The following DIS3L2 variants were observed in gnomAD, a reference collection of about 807,000 sequenced individuals.
The protein encoded by DIS3L2 is DIS3-like exonuclease 2.
A neutral mutation model predicts 97.5 loss-of-function variants in DIS3L2; 34 were observed. That is an observed-to-expected ratio of 0.35 (90% CI 0.27 to 0.46). DIS3L2 has a LOEUF of 0.46. Among genes scored for constraint, DIS3L2 ranks in the 20% least tolerant of loss-of-function variants. The probability of loss-of-function intolerance (pLI) is 1.00; values close to 1 mark genes in which losing one functional copy is unlikely to be tolerated. For synonymous variants in DIS3L2, 435 were observed against 445.2 expected (o/e 0.98, Z 0.29); for missense variants, 1,038 against 1,146.0 (o/e 0.91, Z 1.36).
At chr2:231,974,540 CT>C (rs35535304) in intron 1 of DIS3L2, among the ~76,000 whole-genome samples, 3,030 of 130,982 alleles carry the variant, frequency 0.023, 25 homozygotes, top group Non-Finnish European at 0.026. Context: ...TAATTTGGAT[CT>C]TTTTTTTTTT....
chr2:232,001,664 G>T (rs1222574530), intron 1 of DIS3L2, among the ~76,000 whole-genome samples: 5 of 99,176 alleles, frequency 5.0e-5, no homozygotes, highest in Admixed American at 4.2e-4. Flanking sequence ...TTAACTCCAT[G>T]TTTTTTCCCA....
rs112468274 is a variant in DIS3L2 at position 232,166,348 on chromosome 2, G to A, written c.1124+2716G>A. 2.1e-4 allele frequency among the ~76,000 whole-genome samples: 32 copies of A among 152,268 alleles called. 2 individuals carry two copies. Among genetic ancestry groups the A allele is most frequent in the African/African-American group, 6.0e-4 (25 of 41,550 alleles). ...ACACCACACACACACACGCGTGCGC[G>A]CGCGCCCTGTGAAAGGATCCAAAGA... On this transcript the variant is annotated intron_variant, in intron 9 of 20. Coordinates refer to ENST00000325385, the MANE Select transcript of DIS3L2 (RefSeq NM_152383.5).
At chr2:232,338,843 A>C (rs1234343552), downstream of DIS3L2, among the ~76,000 whole-genome samples, 2 of 152,272 alleles carry the variant, frequency 1.3e-5, no homozygotes, top group Non-Finnish European at 2.9e-5. Flanking sequence ...CCAGGCACCG[A>C]CCCTCATCTA....
intron 10 of DIS3L2, among the ~76,000 whole-genome samples, chr2:232,227,963 G>A (rs774648413): frequency 6.6e-6 from 1 of 152,030 alleles, no homozygotes; most frequent in Non-Finnish European, 1.5e-5. Context: ...TTAATAGAGG[G>A]ACTATTTTTG....
At chr2:232,214,073 A>G (rs1004045680) in intron 10 of DIS3L2, among the ~76,000 whole-genome samples, 45 of 152,218 alleles carry the variant, frequency 3.0e-4, no homozygotes, top group African/African-American at 9.9e-4. Context: ...ACCTTTGTTC[A>G]AGAAAATATT....
intron 8 of DIS3L2, among the ~76,000 whole-genome samples, chr2:232,137,051 T>C (rs543481507): frequency 6.2e-4 from 94 of 152,328 alleles, no homozygotes; most frequent in African/African-American, 2.2e-3. Flanking sequence ...ACCAGTCCTC[T>C]CCTTGCAGAT....
chr2:232,063,383 G>T (rs1054767007), intron 5 of DIS3L2, among the ~76,000 whole-genome samples: 1 of 152,180 alleles, frequency 6.6e-6, no homozygotes, highest in African/African-American at 2.4e-5. Flanking sequence ...CTGTGTATGT[G>T]TGCATGTGTG....
intron 10 of DIS3L2, among the ~76,000 whole-genome samples, chr2:232,230,817 C>T (rs1030218207): frequency 6.6e-6 from 1 of 152,096 alleles, no homozygotes; most frequent in Non-Finnish European, 1.5e-5. Flanking sequence ...CAGGGCAGCT[C>T]TTCTCAGGGC....
intron 6 of DIS3L2, among the ~76,000 whole-genome samples, chr2:232,102,855 T>C (rs1343825148): frequency 6.6e-6 from 1 of 152,192 alleles, no homozygotes; most frequent in Non-Finnish European, 1.5e-5. Context: ...ACAAATATAG[T>C]CAGGACTGCT....
chr2:232,236,267 TA>T (rs1692928630), intron 10 of DIS3L2, among the ~76,000 whole-genome samples: 3 of 152,202 alleles, frequency 2.0e-5, no homozygotes, highest in Non-Finnish European at 2.9e-5. Context: ...AATAAGTAGC[TA>T]CACAGTTTGC....
rs1473985968 is a variant in DIS3L2, at chr2:232,325,311, A to G, written c.1740-4502A>G. Among the ~76,000 whole-genome samples the G allele has an allele frequency of 6.6e-6, 1 of 152,160 alleles. No individual in the cohort carries two copies. The highest frequency in any genetic ancestry group is 1.5e-5 in the Non-Finnish European group (1 of 68,026). On this transcript the variant is annotated intron_variant, in intron 14 of 20. Coordinates refer to ENST00000325385, the MANE Select transcript of DIS3L2 (RefSeq NM_152383.5). This position sits in a 1 kb window ranked among gnomAD's most constrained non-coding sequence, Gnocchi z 4.6. ...AAACGCATGAAGAGCCCTGCGTTTC[A>G]TATATTGATGTTGTTGCTTTTTCTT...
chr2:232,132,213 C>G (rs1018039374), intron 7 of DIS3L2, among the ~76,000 whole-genome samples: 2 of 152,034 alleles, frequency 1.3e-5, no homozygotes, highest in Admixed American at 1.3e-4. Flanking sequence ...ATGGATTCAA[C>G]CAAAAATTAC....
At chr2:232,279,449 C>T (rs776139430) in intron 13 of DIS3L2, among the ~76,000 whole-genome samples, 2 of 152,118 alleles carry the variant, frequency 1.3e-5, no homozygotes, top group Admixed American at 6.5e-5. Context: ...ATCTTTTGCC[C>T]ATTTTTAATT....
intron 1 of DIS3L2, among the ~76,000 whole-genome samples, chr2:232,013,866 A>G (rs956202772): frequency 5.3e-5 from 8 of 152,142 alleles, no homozygotes; most frequent in African/African-American, 1.9e-4. Flanking sequence ...GTGGCCTATT[A>G]TCCTTTGTCT....
chr2:232,135,919 T>C (rs1207706934), intron 7 of DIS3L2, among the ~76,000 whole-genome samples: 5 of 152,174 alleles, frequency 3.3e-5, no homozygotes, highest in Non-Finnish European at 7.3e-5. Flanking sequence ...TACTTCTCTC[T>C]TGATGGAAAT....
intron 15 of DIS3L2, 97 bp from the exon 16 acceptor site, chr2:232,330,593 C>G (rs867025190): frequency 5.3e-5 from 70 of 1,323,858 alleles, no homozygotes; most frequent in African/African-American, 8.7e-5. Flanking sequence ...ACTCCTCCCC[C>G]CAGAGCCGGG....
At chr2:232,169,514 T>C (rs964198801) in intron 9 of DIS3L2, among the ~76,000 whole-genome samples, 1 of 152,122 alleles carries the variant, frequency 6.6e-6, no homozygotes, top group Non-Finnish European at 1.5e-5. Context: ...GGGTCATTGG[T>C]GCATGAGGTG....
At chr2:232,131,832 G>C (rs1025286824) in intron 7 of DIS3L2, 1 of 150,644 alleles carries the variant, frequency 6.6e-6, no homozygotes, top group African/African-American at 2.4e-5. Context: ...CAGGCAGCAT[G>C]CTAAGTGTGG....
At chr2:232,227,500 C>G (rs927217024) in intron 10 of DIS3L2, among the ~76,000 whole-genome samples, 2 of 152,160 alleles carry the variant, frequency 1.3e-5, no homozygotes, top group Non-Finnish European at 2.9e-5. Flanking sequence ...ATTATGAGAC[C>G]ACCAGTATGG....
Sources: allele counts gnomAD v4.1 joint callset (sites outside exome capture counted in the v4.1 genomes callset), GRCh38; gene constraint gnomAD v4.1.1; non-coding constraint Gnocchi (gnomAD v3.1); transcripts MANE v1.5; gene names NCBI Gene and HGNC (gene_info 2026-07-23, HGNC 2026-07-21).